The following LSM11 variants were observed in gnomAD, a reference collection of about 807,000 sequenced individuals.
LSM11 encodes the protein U7 snRNA-associated Sm-like protein LSm11.
Under a neutral mutation model 28.1 loss-of-function variants are expected in LSM11, and 14 were observed. The observed-to-expected ratio is 0.50, with a 90% confidence interval of 0.33 to 0.78. LSM11 has a LOEUF of 0.78. Among genes scored for constraint, LSM11 ranks in the 30% least tolerant of loss-of-function variants. The pLI is 0.02. For missense variants in LSM11, 495 were observed against 510.6 expected (o/e 0.97, Z 0.30); for synonymous variants, 207 against 214.2 (o/e 0.97, Z 0.30).
chr5:157,747,112 T>C (rs873343), intron 1 of LSM11, among the ~76,000 whole-genome samples: 53,831 of 151,980 alleles, frequency 0.35, 9,691 homozygotes, highest in East Asian at 0.56. Context: ...CCTATAGAGA[T>C]GGTAAGACAA....
In LSM11 at chr5:157,755,680, G is replaced by T. The variant is rs574058027; in HGVS notation, c.*416G>T. On this transcript the variant is annotated 3_prime_UTR_variant, in exon 4 of 4. Coordinates refer to ENST00000286307, the MANE Select transcript of LSM11 (RefSeq NM_173491.4). Reference sequence around the variant, plus strand: ...AGTACTCATGAATTCGATTCCAAGAGTAGTGGTGTAAATTGCCTTGGAGCC... The same window carrying T: ...AGTACTCATGAATTCGATTCCAAGATTAGTGGTGTAAATTGCCTTGGAGCC... 5 of 405,050 alleles carry T rather than the reference G, an allele frequency of 1.2e-5. No individual in the cohort carries two copies. The highest frequency in any genetic ancestry group is 1.0e-4 in the African/African-American group (5 of 48,774). 25.1% of individuals were successfully genotyped at this position (405,050 alleles called of 1,614,324 possible). A position where few individuals can be genotyped will look rare whatever the true frequency, so the allele number is the denominator to read the frequency against.
intron 2 of LSM11, among the ~76,000 whole-genome samples, chr5:157,753,039 C>T (rs983182843): frequency 6.6e-6 from 1 of 152,118 alleles, no homozygotes; most frequent in African/African-American, 2.4e-5. Context: ...CATATATTAT[C>T]TCAATGAATG....
chr5:157,744,244 A>C (rs1761111985), intron 1 of LSM11, 46 bp downstream of exon 1: 2 of 1,223,734 alleles, frequency 1.6e-6, no homozygotes, highest in Non-Finnish European at 2.1e-6. Flanking sequence ...GCCGTCCGGA[A>C]GCTGGCTGCC....
Position 157,758,305 on chromosome 5 carries a change from C to G in LSM11, c.*3041C>G, listed in dbSNP as rs980362250. ...ATTTTTAGTAGAGAAGGGGTTTTAC[C>G]GTGTTAGCCAGGCTGGTCTTGAACT... On this transcript the variant is annotated 3_prime_UTR_variant, in exon 4 of 4. Transcript: ENST00000286307. 6.6e-6 allele frequency: 1 copy of G among 152,122 alleles called. No homozygotes were observed. The highest frequency in any genetic ancestry group is 2.1e-4 in the South Asian group (1 of 4,826). The allele number at this position is 152,122 out of a possible 1,614,324, so 9.4% of individuals were successfully genotyped here. A position where few individuals can be genotyped will look rare whatever the true frequency, so the allele number is the denominator to read the frequency against.
chr5:157,745,804 GTGTACATGAGAGAAAGGCAT>G (rs1342882265), intron 1 of LSM11, among the ~76,000 whole-genome samples: 3 of 152,200 alleles, frequency 2.0e-5, no homozygotes, highest in Non-Finnish European at 4.4e-5. Context: ...AGACAGTTGA[GTGTACATGAGAGAAAGGCAT>G]TGACGTCGCA....
chr5:157,746,929 G>T (rs1761156670), intron 1 of LSM11, among the ~76,000 whole-genome samples: 1 of 151,996 alleles, frequency 6.6e-6, no homozygotes, highest in Non-Finnish European at 1.5e-5. Flanking sequence ...AATAATAAAA[G>T]TATAGGAGGC....
intron 1 of LSM11, among the ~76,000 whole-genome samples, chr5:157,745,385 C>T (rs1761132118): frequency 6.6e-6 from 1 of 152,136 alleles, no homozygotes; most frequent in Admixed American, 6.5e-5. Context: ...GATGTCTTAC[C>T]ATGCCACAGC....
chr5:157,744,517 G>A (rs1761116514), intron 1 of LSM11, among the ~76,000 whole-genome samples: 1 of 152,166 alleles, frequency 6.6e-6, no homozygotes, highest in African/African-American at 2.4e-5. Context: ...AAGGGTCACA[G>A]AGGTGATGAG....
chr5:157,753,924 T>G, intron 2 of LSM11, 80 bp from the exon 3 acceptor site: 2 of 759,624 alleles, frequency 2.6e-6, no homozygotes, highest in Non-Finnish European at 3.5e-6. Context: ...TACTCTGCCT[T>G]TTTTTTTTTC....
chr5:157,746,637 C>G (rs1472057626), intron 1 of LSM11, among the ~76,000 whole-genome samples: 2 of 152,164 alleles, frequency 1.3e-5, no homozygotes, highest in Non-Finnish European at 2.9e-5. Flanking sequence ...TAGCCAGGCA[C>G]AGTGGCTCAC....
At chr5:157,754,218 C>T in intron 3 of LSM11, 131 bp downstream of exon 3, 1 of 503,844 alleles carries the variant, frequency 2.0e-6, no homozygotes, top group Non-Finnish European at 3.4e-6. Flanking sequence ...GTGCCTGTAC[C>T]AAGGTATTCC....
At position 157,755,009 on chromosome 5, in the gene LSM11, G is replaced by C. The variant is rs956073706; in HGVS notation, c.828G>C (p.Lys276Asn). The C allele has an allele frequency of 1.9e-6, 3 of 1,614,144 alleles. No homozygotes were observed. Among genetic ancestry groups the C allele is most frequent in the Non-Finnish European group, 2.5e-6 (3 of 1,180,000 alleles). ...GRADTGRGSH[K>N]RSRSVPSSLQ... ...CAGACACTGGCCGGGGCTCACACAA[G>C]CGTTCCCGCTCTGTCCCTTCTTCCC... The change falls in exon 4 of 4, where the codon AAG (lysine) becomes AAC (asparagine). Residue 276 changes from lysine to asparagine, a missense_variant. Lys to Asn is a moderately conservative substitution (Grantham distance 94). Transcript: ENST00000286307.
rs1396040235 is a variant in LSM11, at chr5:157,756,977, C to G, written c.*1713C>G. The G allele has an allele frequency of 1.3e-5, 2 of 152,118 alleles. No individual in the cohort carries two copies. The highest frequency in any genetic ancestry group is 1.3e-4 in the Admixed American group (2 of 15,266). 9.4% of individuals were successfully genotyped at this position (152,118 alleles called of 1,614,324 possible). On this transcript the variant is annotated 3_prime_UTR_variant, in exon 4 of 4. Coordinates refer to ENST00000286307, the MANE Select transcript of LSM11 (RefSeq NM_173491.4). ...GGTCAGGAGATCAAGACCATCCTGG[C>G]TAACACGGTGAAACCCTGTCTCTAC...
At chr5:157,748,089 C>G (rs1272878034) in intron 1 of LSM11, among the ~76,000 whole-genome samples, 1 of 152,058 alleles carries the variant, frequency 6.6e-6, no homozygotes, top group African/African-American at 2.4e-5. Context: ...TGCCGGGTCA[C>G]TGATTCAAAC....
Position 157,751,616 on chromosome 5 carries a change from G to T in LSM11, c.588+87G>T, listed in dbSNP as rs1000368492. Reference sequence around the variant, plus strand: ...TAAAGGACCTGAGTAACTGCATTAAGTAAAACCCAAAAAATAACTTCTTAG... The same window carrying T: ...TAAAGGACCTGAGTAACTGCATTAATTAAAACCCAAAAAATAACTTCTTAG... On this transcript the variant is annotated intron_variant, in intron 2 of 3. Coordinates refer to ENST00000286307, the MANE Select transcript of LSM11 (RefSeq NM_173491.4). 8 of 1,423,996 alleles carry T rather than the reference G, an allele frequency of 5.6e-6. No homozygotes were observed. In the African/African-American group the frequency reaches 1.0e-4, roughly 18 times the overall value. 88.2% of individuals were successfully genotyped at this position (1,423,996 alleles called of 1,614,324 possible). A position where few individuals can be genotyped will look rare whatever the true frequency, so the allele number is the denominator to read the frequency against.
rs757011964 is a variant in LSM11 at position 157,759,975 on chromosome 5, G to C, written c.*4711G>C. On this transcript the variant is annotated 3_prime_UTR_variant, in exon 4 of 4. Coordinates refer to ENST00000286307, the MANE Select transcript of LSM11 (RefSeq NM_173491.4). ...AATGAAAGCTCTCTGACAAGAAATA[G>C]TTCTGGATGGTTTGAAGATCTGCGG... 1 of 152,172 alleles carries C rather than the reference G, an allele frequency of 6.6e-6. No individual in the cohort carries two copies. Among genetic ancestry groups the C allele is most frequent in the Non-Finnish European group, 1.5e-5 (1 of 68,028 alleles). 9.4% of individuals were successfully genotyped at this position (152,172 alleles called of 1,614,324 possible).
rs774166837 is a variant in LSM11 at position 157,754,978 on chromosome 5, G to A, written c.797G>A (p.Gly266Glu). ...ACTTGGAAGTTGGCTTCAGTGTGGG[G>A]AAGAGCAGACACTGGCCGGGGCTCA... is the stretch of plus-strand genomic sequence containing the variant. ...TSTWKLASVW[G>E]RADTGRGSHK... Residue 266 changes from glycine to glutamate, a missense_variant, in exon 4 of 4, where the codon GGA becomes GAA. Transcript: ENST00000286307. The A allele has an allele frequency of 1.9e-6, 3 of 1,614,206 alleles. No individual in the cohort carries two copies. The highest frequency in any genetic ancestry group is 2.5e-6 in the Non-Finnish European group (3 of 1,180,050).
chr5:157,751,979 G>A (rs1761239328), intron 2 of LSM11, among the ~76,000 whole-genome samples: 1 of 152,184 alleles, frequency 6.6e-6, no homozygotes, highest in South Asian at 2.1e-4. Flanking sequence ...GTAATTTTTA[G>A]TTGATTTTCT....
rs1761307212 is a variant in LSM11, at chr5:157,755,320, C to A, written c.*56C>A. ...ATAAAGTGCATGAATTGCTGCTATG[C>A]TGTATCCTAGTATCCCAGTGAAACT... is the stretch of plus-strand genomic sequence containing the variant. On this transcript the variant is annotated 3_prime_UTR_variant, in exon 4 of 4. Transcript: ENST00000286307. 2 of 1,533,394 alleles carry A rather than the reference C, an allele frequency of 1.3e-6. No homozygotes were observed. The highest frequency in any genetic ancestry group is 3.5e-5 in the Admixed American group (2 of 56,846). The allele number at this position is 1,533,394 out of a possible 1,614,324, so 95.0% of individuals were successfully genotyped here. A position where few individuals can be genotyped will look rare whatever the true frequency, so the allele number is the denominator to read the frequency against.
Sources: gnomAD v4.1 joint callset for allele counts (sites outside exome capture counted in the v4.1 genomes callset) on GRCh38, gnomAD v4.1.1 for gene constraint, MANE v1.5 for transcripts, NCBI Gene and HGNC (gene_info 2026-07-23, HGNC 2026-07-21) for gene names.